The following IQSEC2 variants were observed in gnomAD, a reference collection of about 807,000 sequenced individuals.
The protein encoded by IQSEC2 is IQ motif and SEC7 domain-containing protein 2.
In IQSEC2, 6 loss-of-function variants were observed where a neutral mutation model predicts 74.6. That is an observed-to-expected ratio of 0.08 (90% CI 0.04 to 0.16). The LOEUF is 0.16. Among genes scored for constraint, IQSEC2 ranks in the 10% least tolerant of loss-of-function variants. The pLI, the probability that IQSEC2 is intolerant of heterozygous loss-of-function variation, is 1.00. For synonymous variants in IQSEC2, 494 were observed against 544.5 expected (o/e 0.91, Z 1.29); for missense variants, 734 against 1,306.2 (o/e 0.56, Z 6.75).
At chrX:53,264,335 C>T (rs781961755) in intron 2 of IQSEC2, among the ~76,000 whole-genome samples, 1 of 109,397 alleles carries the variant, frequency 9.1e-6, no homozygotes, top group Admixed American at 9.7e-5. Context: ...TGATCAAAAC[C>T]CCACCCCCTT....
At chrX:53,271,052 AT>A (rs1258241259) in intron 2 of IQSEC2, among the ~76,000 whole-genome samples, 1 of 110,942 alleles carries the variant, frequency 9.0e-6, no homozygotes, top group Non-Finnish European at 1.9e-5. Flanking sequence ...CAAAAAAAAA[AT>A]AAAATAAAAT....
chrX:53,286,075 T>C (rs2075022105), intron 2 of IQSEC2, among the ~76,000 whole-genome samples: 1 of 112,182 alleles, frequency 8.9e-6, no homozygotes, highest in South Asian at 3.8e-4. Context: ...GTCACTGAAC[T>C]CATAAAATAT....
At chrX:53,296,456 A>C (rs1311700713) in intron 1 of IQSEC2, among the ~76,000 whole-genome samples, 1 of 111,877 alleles carries the variant, frequency 8.9e-6, no homozygotes, top group African/African-American at 3.2e-5. Flanking sequence ...GTCTCTCCAA[A>C]AGCTGAGAAC....
chrX:53,316,365 A>AC (rs1235298837), intron 1 of IQSEC2, among the ~76,000 whole-genome samples: 21 of 110,793 alleles, frequency 1.9e-4, no homozygotes, highest in African/African-American at 6.9e-4. Context: ...AAGGAGAGAC[A>AC]CCCCCTGGGA....
At chrX:53,297,122 C>T (rs1602356369) in intron 1 of IQSEC2, among the ~76,000 whole-genome samples, 1 of 110,516 alleles carries the variant, frequency 9.0e-6, no homozygotes, top group African/African-American at 3.3e-5. Flanking sequence ...CCACCTCAGC[C>T]TCCTGAGTAG....
At chrX:53,288,925 C>G (rs1254299203) in intron 2 of IQSEC2, among the ~76,000 whole-genome samples, 1 of 110,982 alleles carries the variant, frequency 9.0e-6, no homozygotes, top group East Asian at 2.9e-4. Context: ...CAGGGACCCA[C>G]AAGAAGTCCA....
chrX:53,264,230 C>T (rs2074617137), intron 2 of IQSEC2, among the ~76,000 whole-genome samples: 1 of 112,221 alleles, frequency 8.9e-6, no homozygotes, highest in African/African-American at 3.2e-5. Context: ...TGCACAGTCT[C>T]ACAACTGTGA....
At chrX:53,314,015 G>A (rs2075344267) in intron 1 of IQSEC2, among the ~76,000 whole-genome samples, 1 of 112,049 alleles carries the variant, frequency 8.9e-6, no homozygotes, top group African/African-American at 3.2e-5. Context: ...CCTTAGGGAT[G>A]GGATCTCAAT....
chrX:53,319,515 A>G (rs1360856363), intron 1 of IQSEC2, among the ~76,000 whole-genome samples: 2 of 111,728 alleles, frequency 1.8e-5, no homozygotes, highest in Non-Finnish European at 3.8e-5. Context: ...TACGGCAGAA[A>G]AGAAATAAGG....
intron 4 of IQSEC2, among the ~76,000 whole-genome samples, chrX:53,252,590 T>G (rs1602288078): frequency 9.0e-6 from 1 of 110,545 alleles, no homozygotes; most frequent in African/African-American, 3.3e-5. Context: ...AACAGCCAAG[T>G]GGGTGAGCTT....
chrX:53,262,576 G>A (rs2074584753), intron 2 of IQSEC2, among the ~76,000 whole-genome samples: 1 of 112,351 alleles, frequency 8.9e-6, no homozygotes, highest in Non-Finnish European at 1.9e-5. Context: ...GGAGCAGACT[G>A]GGCCAGGAGA....
chrX:53,239,679 T>C lies in IQSEC2; in HGVS notation c.3016-385A>G. On this transcript the variant is annotated intron_variant, in intron 10 of 14. Coordinates refer to ENST00000642864, the MANE Select transcript of IQSEC2 (RefSeq NM_001111125.3). Reference sequence around the variant, plus strand: ...GTCCTCTGAGTGTGTGATCGCCCCCTGCTGGACTGGAGGGCAGGAGTCTGG... The same window carrying C: ...GTCCTCTGAGTGTGTGATCGCCCCCCGCTGGACTGGAGGGCAGGAGTCTGG... 1.4e-5 allele frequency: 3 copies of C among 212,315 alleles called. No individual in the cohort carries two copies. In the East Asian group the frequency reaches 3.8e-4, roughly 27 times the overall value. 17.5% of individuals were successfully genotyped at this position (212,315 alleles called of 1,213,427 possible).
intron 2 of IQSEC2, among the ~76,000 whole-genome samples, chrX:53,258,931 C>A (rs2074520376): frequency 9.0e-6 from 1 of 111,247 alleles, no homozygotes; most frequent in African/African-American, 3.3e-5. Context: ...TGGATCATGC[C>A]TGTAATCCCA....
At chrX:53,316,842 A>AG (rs1393747692) in intron 1 of IQSEC2, among the ~76,000 whole-genome samples, 7 of 110,001 alleles carry the variant, frequency 6.4e-5, no homozygotes, top group African/African-American at 2.3e-4. Flanking sequence ...AAAAAAAAAA[A>AG]AAAAAGAAAA....
At chrX:53,274,695 T>G (rs1243384800) in intron 2 of IQSEC2, among the ~76,000 whole-genome samples, 6 of 110,237 alleles carry the variant, frequency 5.4e-5, no homozygotes, top group Non-Finnish European at 1.1e-4. Context: ...TCTCCTGATC[T>G]CATGATCCGC....
At chrX:53,287,915 A>G (rs113992630) in intron 2 of IQSEC2, among the ~76,000 whole-genome samples, 12 of 111,785 alleles carry the variant, frequency 1.1e-4, no homozygotes, top group African/African-American at 3.6e-4. Context: ...CCCACTGTCA[A>G]AATCCAGCTC....
intron 2 of IQSEC2, among the ~76,000 whole-genome samples, chrX:53,276,157 A>G (rs782236175): frequency 8.9e-6 from 1 of 112,442 alleles, no homozygotes; most frequent in South Asian, 3.6e-4. Context: ...ACAAAATGTC[A>G]TTTTTACCAC....
rs1556863232 is a variant in IQSEC2, at chrX:53,250,741, C to T, written c.1835G>A (p.Arg612His). ...CACCAGCTGGCGGTGGACAGAGCCG[C>T]GATCTGAGCGGTCACTCAGGTCCAC... ...SSVDLSDRSD[R>H]GSVHRQLVYE... is the part of the protein sequence containing the mutation. Residue 612 changes from arginine to histidine, a missense_variant, in exon 5 of 15, where the codon CGC (arginine) becomes CAC (histidine). Around this residue, in one of 12 missense-constraint regions of IQSEC2, gnomAD observed 204 missense variants for 305.4 expected, o/e 0.67. Coordinates refer to ENST00000642864, the MANE Select transcript of IQSEC2 (RefSeq NM_001111125.3). The T allele has an allele frequency of 1.7e-6, 2 of 1,211,150 alleles. No individual in the cohort carries two copies. Among genetic ancestry groups the T allele is most frequent in the South Asian group, 1.8e-5 (1 of 56,887 alleles).
At chrX:53,306,166 C>G (rs1052138826) in intron 1 of IQSEC2, among the ~76,000 whole-genome samples, 1 of 111,947 alleles carries the variant, frequency 8.9e-6, no homozygotes, top group South Asian at 3.7e-4. Context: ...AGCCTCCAAG[C>G]CCCCCCGAGT....
Sources: gnomAD v4.1 joint callset for allele counts (sites outside exome capture counted in the v4.1 genomes callset) on GRCh38, gnomAD v4.1.1 for gene constraint, gnomAD v4.1.1 regional missense constraint, MANE v1.5 for transcripts, NCBI Gene and HGNC (gene_info 2026-07-23, HGNC 2026-07-21) for gene names.